Variants in ANKRD11 observed in about 807,000 individuals in gnomAD.
The protein encoded by ANKRD11 is ankyrin repeat domain-containing protein 11.
Under a neutral mutation model 195.7 loss-of-function variants are expected in ANKRD11, and 17 were observed. That is an observed-to-expected ratio of 0.09 (90% confidence interval 0.06 to 0.13). ANKRD11 has a LOEUF of 0.13. Ranked by LOEUF, ANKRD11 falls within the 10% of genes least tolerant of loss-of-function variation. ANKRD11 has a pLI of 1.00. For missense variants in ANKRD11, 3,735 were observed against 3,566.1 expected, an observed-to-expected ratio of 1.05 and a Z score of -1.21; for synonymous variants, 1,953 against 1,528.1, an observed-to-expected ratio of 1.28 and a Z score of -6.49.
chr16:89,278,849 C>T, intron 9 of ANKRD11: 1 of 765,470 alleles, frequency 1.3e-6, no homozygotes, highest in Non-Finnish European at 2.2e-6. Flanking sequence ...CGAGGCCTGG[C>T]ACGGACCAGC....
Position 89,283,776 on chromosome 16 carries a change from C to G in ANKRD11, c.2766G>C (p.Glu922Asp), listed in dbSNP as rs768801003. 36 of 1,613,430 alleles carry G rather than the reference C, an allele frequency of 2.2e-5. No homozygotes were observed. Among genetic ancestry groups the G allele is most frequent in the Non-Finnish European group, 3.1e-5 (36 of 1,179,712 alleles). Residue 922 changes from glutamate to aspartate, a missense_variant, in exon 9 of 13, where the codon GAG (glutamate) becomes GAC (aspartate). Physicochemically the swap from Glu to Asp is conservative, Grantham distance 45. Coordinates refer to ENST00000301030, the MANE Select transcript of ANKRD11 (RefSeq NM_013275.6). The surrounding 1 kb of genome is among the most constrained non-coding windows in gnomAD (Gnocchi z 4.3). ...GGACACTTTTATGCTTTTCGGTCTG[C>G]TCTTTCCTCTTCTCAGAGTTTTTAT... ...YLDKNSEKRK[E>D]QTEKHKSVPG... is the part of the protein sequence containing the mutation.
intron 1 of ANKRD11, among the ~76,000 whole-genome samples, chr16:89,438,488 T>TTG (rs756060629): frequency 6.2e-4 from 94 of 151,718 alleles, no homozygotes; most frequent in African/African-American, 1.4e-3. Context: ...TCCAGCTAAT[T>TTG]TGTGTGTGTG....
chr16:89,488,514 C>T (rs1047416093), intron 1 of ANKRD11, among the ~76,000 whole-genome samples: 4 of 148,360 alleles, frequency 2.7e-5, no homozygotes, highest in Admixed American at 6.8e-5. Flanking sequence ...CATTCTCTAA[C>T]AGAACTCGAA....
chr16:89,486,380 G>A (rs968930227), intron 1 of ANKRD11, among the ~76,000 whole-genome samples: 45 of 150,690 alleles, frequency 3.0e-4, no homozygotes, highest in African/African-American at 1.1e-3. Context: ...AGTCGAGACT[G>A]AAGAGAGCCA....
chr16:89,324,454 G>C, intron 2 of ANKRD11: 1 of 459,340 alleles, frequency 2.2e-6, no homozygotes, highest in Non-Finnish European at 4.4e-6. Flanking sequence ...GGTTACTACT[G>C]AGTTTCAACT....
chr16:89,469,592 T>C (rs1392633906), intron 1 of ANKRD11, among the ~76,000 whole-genome samples: 1 of 151,528 alleles, frequency 6.6e-6, no homozygotes, highest in East Asian at 2.0e-4. Context: ...AGATAAAACG[T>C]ACGCAAATAA....
At chr16:89,468,582 G>A (rs1009708195) in intron 1 of ANKRD11, among the ~76,000 whole-genome samples, 1 of 152,184 alleles carries the variant, frequency 6.6e-6, no homozygotes, top group Non-Finnish European at 1.5e-5. Flanking sequence ...GCACAGGCCT[G>A]TAATGTTAGC....
chr16:89,335,180 T>A (rs2038284055), intron 2 of ANKRD11, among the ~76,000 whole-genome samples: 2 of 152,256 alleles, frequency 1.3e-5, no homozygotes, highest in South Asian at 4.1e-4. Context: ...GCACAGGAAG[T>A]GAGCTCAGTG....
intron 4 of ANKRD11, among the ~76,000 whole-genome samples, chr16:89,304,351 C>A (rs988641592): frequency 1.3e-5 from 2 of 150,756 alleles, no homozygotes; most frequent in African/African-American, 4.9e-5. Context: ...CACACACGGG[C>A]GCATACACAG....
rs760534724 is a variant in ANKRD11, at chr16:89,282,858, G to A, written c.3684C>T (p.Ser1228=). Residue 1228 remains serine (S), a synonymous_variant, in exon 9 of 13, where the codon TCC becomes TCT. Coordinates refer to ENST00000301030, the MANE Select transcript of ANKRD11 (RefSeq NM_013275.6). Reference sequence around the variant, plus strand: ...TCTGTTTATTTTTCTTATCTTGCGTGGAGTCCACTGAGGCTCTGTCCTTCC... The same window carrying A: ...TCTGTTTATTTTTCTTATCTTGCGTAGAGTCCACTGAGGCTCTGTCCTTCC... ...KDRKDRASVD[S]TQDKKNKQKL... 5.0e-6 allele frequency: 8 copies of A among 1,612,258 alleles called. No homozygotes were observed. The highest frequency in any genetic ancestry group is 1.1e-5 in the South Asian group (1 of 91,056).
At chr16:89,388,243 C>G (rs1392559569) in intron 2 of ANKRD11, among the ~76,000 whole-genome samples, 1 of 151,684 alleles carries the variant, frequency 6.6e-6, no homozygotes, top group African/African-American at 2.4e-5. Context: ...TCACCCTGCT[C>G]CAGGGCCCAC....
At chr16:89,359,485 G>C (rs1036364385) in intron 2 of ANKRD11, among the ~76,000 whole-genome samples, 2 of 152,220 alleles carry the variant, frequency 1.3e-5, no homozygotes, top group Non-Finnish European at 2.9e-5. Flanking sequence ...CCACTGCTTC[G>C]GGATGCAGAT....
chr16:89,278,563 G>A, intron 9 of ANKRD11: 1 of 457,250 alleles, frequency 2.2e-6, no homozygotes. Flanking sequence ...TGGGGGCCGA[G>A]GACCAAGCTG....
chr16:89,335,544 G>A (rs1226170263), intron 2 of ANKRD11, among the ~76,000 whole-genome samples: 1 of 152,202 alleles, frequency 6.6e-6, no homozygotes, highest in Non-Finnish European at 1.5e-5. Flanking sequence ...GAAAGCCTGT[G>A]CGTGCTGCCT....
chr16:89,484,862 C>T (rs758860444), intron 1 of ANKRD11, among the ~76,000 whole-genome samples: 4 of 152,036 alleles, frequency 2.6e-5, no homozygotes, highest in East Asian at 3.8e-4. Flanking sequence ...TTGCTTTACA[C>T]GTGGAAAAAA....
chr16:89,343,043 G>A (rs1325499068), intron 2 of ANKRD11, among the ~76,000 whole-genome samples: 3 of 152,174 alleles, frequency 2.0e-5, no homozygotes, highest in Admixed American at 6.5e-5. Flanking sequence ...TATTTGAGAC[G>A]CAGTCTTGCT....
chr16:89,484,257 C>G lies in ANKRD11; in HGVS notation c.-145+5988G>C, dbSNP rs965436006. Reference sequence around the variant, plus strand: ...ATTTCCTGTTTTGCAAGATGTAAAACCACATCTAGAAACATGGTGGATACT... The same window carrying G: ...ATTTCCTGTTTTGCAAGATGTAAAAGCACATCTAGAAACATGGTGGATACT... On this transcript the variant is annotated intron_variant, in intron 1 of 12. Coordinates refer to ENST00000301030, the MANE Select transcript of ANKRD11 (RefSeq NM_013275.6). Among the ~76,000 whole-genome samples, 3 of 152,068 alleles carry G rather than the reference C, an allele frequency of 2.0e-5. 1 individual carries two copies. The East Asian group carries it at 5.8e-4, about 29-fold the overall frequency.
At chr16:89,375,458 C>G (rs2040380937) in intron 2 of ANKRD11, among the ~76,000 whole-genome samples, 1 of 45,030 alleles carries the variant, frequency 2.2e-5, no homozygotes, top group Non-Finnish European at 3.9e-5. Context: ...CAGCAAGACT[C>G]TATCTCTTTT....
At chr16:89,325,467 T>TCACA (rs1472706911) in intron 2 of ANKRD11, among the ~76,000 whole-genome samples, 1,686 of 140,534 alleles carry the variant, frequency 0.012, 22 homozygotes, top group African/African-American at 0.044. Context: ...TCTCTCTCTC[T>TCACA]CTCACACACA....
Sources: gnomAD v4.1 joint callset for allele counts (sites outside exome capture counted in the v4.1 genomes callset) on GRCh38, gnomAD v4.1.1 for gene constraint, Gnocchi (gnomAD v3.1) non-coding constraint, MANE v1.5 for transcripts, NCBI Gene and HGNC (gene_info 2026-07-23, HGNC 2026-07-21) for gene names.